Variants in EPN1 observed in about 807,000 individuals in gnomAD.
The protein encoded by EPN1 is epsin-1.
In EPN1, 25 loss-of-function variants were observed where a neutral mutation model predicts 56.9. That is an observed-to-expected ratio of 0.44 (90% CI 0.32 to 0.61). The LOEUF is 0.61. Among genes scored for constraint, EPN1 ranks in the 20% least tolerant of loss-of-function variants. EPN1 has a pLI of 0.05. For synonymous variants in EPN1, 411 were observed against 361.8 expected, an observed-to-expected ratio of 1.14 and a Z score of -1.54; for missense variants, 785 against 823.7, an observed-to-expected ratio of 0.95 and a Z score of 0.58.
intron 2 of EPN1, among the ~76,000 whole-genome samples, chr19:55,680,522 C>T (rs1985741073): frequency 6.6e-6 from 1 of 152,218 alleles, no homozygotes; most frequent in African/African-American, 2.4e-5. Context: ...GGTTCAGCCT[C>T]AGTTCCCCGG....
rs869309082 is a variant in EPN1 at position 55,706,576 on chromosome 19, CA to C, written c.*11221del. 4.0e-5 allele frequency: 6 copies of C among 151,764 alleles called. No individual in the cohort carries two copies. The East Asian group carries it at 1.2e-3, about 29-fold the overall frequency. 9.4% of individuals were successfully genotyped at this position (151,764 alleles called of 1,614,324 possible). The stretch of plus-strand genomic sequence containing the variant: ...CTAAGGCGGGAGAATCGCTTGAACC[CA>C]GAGGCAGAGGCTGCAGTGAGCCAAG... On this transcript the variant is annotated 3_prime_UTR_variant, in exon 11 of 11. Coordinates refer to ENST00000270460, the MANE Select transcript of EPN1 (RefSeq NM_001130072.2).
At chr19:55,690,106 C>G (rs747903554) in intron 6 of EPN1, among the ~76,000 whole-genome samples, 156 bp downstream of exon 6, 1 of 152,246 alleles carries the variant, frequency 6.6e-6, no homozygotes, top group Admixed American at 6.5e-5. Flanking sequence ...CTCTGTGCCT[C>G]TCCCTCCCTG....
chr19:55,686,825 G>A (rs78062835), intron 3 of EPN1, among the ~76,000 whole-genome samples: 2 of 151,928 alleles, frequency 1.3e-5, no homozygotes, highest in Non-Finnish European at 2.9e-5. Context: ...GCAGGTGGGT[G>A]GCGGGGTTGG....
At position 55,689,691 on chromosome 19, in the gene EPN1, C is replaced by A. The variant is rs1436692804; in HGVS notation, c.679-176C>A. On this transcript the variant is annotated intron_variant, in intron 5 of 10. Transcript: ENST00000270460. The surrounding 1 kb of genome is among the most constrained non-coding windows in gnomAD (Gnocchi z 5.7). ...CACCCCACTCCCCTTATCCCCTGTC[C>A]CGCCTGACCTTTGACCCAGGTGCCC... is the stretch of plus-strand genomic sequence containing the variant. Among the ~76,000 whole-genome samples the A allele has an allele frequency of 6.6e-6, 1 of 152,232 alleles. No individual in the cohort carries two copies. The highest frequency in any genetic ancestry group is 1.5e-5 in the Non-Finnish European group (1 of 68,030).
intron 1 of EPN1, among the ~76,000 whole-genome samples, chr19:55,676,055 G>T (rs534805880): frequency 6.6e-6 from 1 of 152,298 alleles, no homozygotes; most frequent in Admixed American, 6.5e-5. Context: ...TAATTGCCAG[G>T]TGATAGTCTC....
chr19:55,685,700 G>A (rs1986123811), intron 3 of EPN1, 55 bp downstream of exon 3: 13 of 1,538,494 alleles, frequency 8.4e-6, no homozygotes, highest in Admixed American at 1.9e-5. Context: ...CGCCTACTGC[G>A]GCTCCCGGCA....
In EPN1 at chr19:55,706,549, G is replaced by T. The variant is rs1002317892; in HGVS notation, c.*11193G>T. On this transcript the variant is annotated 3_prime_UTR_variant, in exon 11 of 11. Coordinates refer to ENST00000270460, the MANE Select transcript of EPN1 (RefSeq NM_001130072.2). ...TGCCTGTAATCTCAGCTCCTCAGTA[G>T]GCTAAGGCGGGAGAATCGCTTGAAC... The T allele has an allele frequency of 1.3e-5, 2 of 151,796 alleles. No homozygotes were observed. Among genetic ancestry groups the T allele is most frequent in the African/African-American group, 4.8e-5 (2 of 41,260 alleles). The allele number at this position is 151,796 out of a possible 1,614,324, so 9.4% of individuals were successfully genotyped here. A position where few individuals can be genotyped will look rare whatever the true frequency, so the allele number is the denominator to read the frequency against.
Position 55,706,277 on chromosome 19 carries a change from C to CTTTTTTTTTTTTTTTTTTTTTTTT in EPN1, c.*10923_*10924insTTTTTTTTTTTTTTTTTTTTTTTT, listed in dbSNP as rs1568587726. 8 of 98,524 alleles carry CTTTTTTTTTTTTTTTTTTTTTTTT rather than the reference C, an allele frequency of 8.1e-5. No homozygotes were observed. The highest frequency in any genetic ancestry group is 1.5e-4 in the Non-Finnish European group (8 of 53,406). The allele number at this position is 98,524 out of a possible 1,614,324, so 6.1% of individuals were successfully genotyped here. On this transcript the variant is annotated 3_prime_UTR_variant, in exon 11 of 11. Transcript: ENST00000270460. ...TCTTTTCTTCCTTTCTTCTCTTTTTCTTCTTCTTTTTTTTTTTTTTTTAAA... is the reference window on the plus strand; with the variant it reads ...TCTTTTCTTCCTTTCTTCTCTTTTTCTTTTTTTTTTTTTTTTTTTTTTTTTTCTTCTTTTTTTTTTTTTTTTAAA...
chr19:55,709,231 A>C lies in EPN1; in HGVS notation c.*13875A>C, dbSNP rs76136445. The C allele has an allele frequency of 0.021, 8,501 of 409,532 alleles. 110 individuals carry two copies. Among genetic ancestry groups the C allele is most frequent in the Non-Finnish European group, 0.028 (6,477 of 233,266 alleles). The allele number at this position is 409,532 out of a possible 1,614,324, so 25.4% of individuals were successfully genotyped here. On this transcript the variant is annotated 3_prime_UTR_variant, in exon 11 of 11. Transcript: ENST00000270460. ...GGATAGGAAGCCTCTGATTTATACC[A>C]TAAAGTGAAATTTCATATACAGGAT...
At chr19:55,676,079 C>T (rs1404958804) in intron 1 of EPN1, among the ~76,000 whole-genome samples, 1 of 152,206 alleles carries the variant, frequency 6.6e-6, no homozygotes, top group East Asian at 1.9e-4. Context: ...GTCAAAACCT[C>T]AGTTTCCTAG....
At chr19:55,683,269 C>T (rs1375178545) in intron 2 of EPN1, among the ~76,000 whole-genome samples, 4 of 152,066 alleles carry the variant, frequency 2.6e-5, no homozygotes, top group African/African-American at 9.7e-5. Flanking sequence ...GTTGGCCAGG[C>T]TGGTCTCAAA....
rs1986968918 is a variant in EPN1, at chr19:55,697,803, G to A, written c.*2447G>A. ...AGCTTAGTGACATACACGGTTGAAC[G>A]CTGGGAGAATGCTGGGAGCCTGCTG... On this transcript the variant is annotated 3_prime_UTR_variant, in exon 11 of 11. Transcript: ENST00000270460. The A allele has an allele frequency of 6.6e-6, 1 of 151,942 alleles. No individual in the cohort carries two copies. Among genetic ancestry groups the A allele is most frequent in the Non-Finnish European group, 1.5e-5 (1 of 67,950 alleles). 9.4% of individuals were successfully genotyped at this position (151,942 alleles called of 1,614,324 possible).
Position 55,700,417 on chromosome 19 carries a change from C to T in EPN1, c.*5061C>T, listed in dbSNP as rs960762676. 6.7e-6 allele frequency: 1 copy of T among 150,278 alleles called. No individual in the cohort carries two copies. Among genetic ancestry groups the T allele is most frequent in the African/African-American group, 2.5e-5 (1 of 39,632 alleles). 9.3% of individuals were successfully genotyped at this position (150,278 alleles called of 1,614,324 possible). A position where few individuals can be genotyped will look rare whatever the true frequency, so the allele number is the denominator to read the frequency against. On this transcript the variant is annotated 3_prime_UTR_variant, in exon 11 of 11. Coordinates refer to ENST00000270460, the MANE Select transcript of EPN1 (RefSeq NM_001130072.2). ...GACTTGGGACTACAGGTGCGTGCGA[C>T]CACAGCCAACTCATTTTTCTGTTTT... is the stretch of plus-strand genomic sequence containing the variant.
chr19:55,694,926 A>C lies in EPN1; in HGVS notation c.1465A>C (p.Ser489Arg). 6.4e-7 allele frequency: 1 copy of C among 1,568,864 alleles called. No homozygotes were observed. The highest frequency in any genetic ancestry group is 8.6e-7 in the Non-Finnish European group (1 of 1,157,578). ...AALVDLDSLV[S>R]RPGPTPPGAK... ...CCTCGTCGACCTGGACTCGCTGGTG[A>C]GCCGGCCGGGCCCCACGCCGCCTGG... is the stretch of plus-strand genomic sequence containing the variant. Residue 489 changes from serine to arginine, a missense_variant, in exon 10 of 11, where the codon AGC (serine) becomes CGC (arginine). Physicochemically the swap from Ser to Arg is moderately radical, Grantham distance 110. This residue lies in a region of EPN1 where 650 missense variants were observed against 605.0 expected (regional missense o/e 1.07). Transcript: ENST00000270460. This position sits in a 1 kb window ranked among gnomAD's most constrained non-coding sequence, Gnocchi z 4.2.
At position 55,678,552 on chromosome 19, in the gene EPN1, G is replaced by T. The variant is rs141127387; in HGVS notation, c.-76G>T. Reference sequence around the variant, plus strand: ...ATGCGGTGACCTGCCAGCACCTGCCGCAGCCTTCGTCCGGGAGTCGCCCCA... The same window carrying T: ...ATGCGGTGACCTGCCAGCACCTGCCTCAGCCTTCGTCCGGGAGTCGCCCCA... On this transcript the variant is annotated 5_prime_UTR_variant, in exon 2 of 11. Coordinates refer to ENST00000270460, the MANE Select transcript of EPN1 (RefSeq NM_001130072.2). 27 of 1,547,912 alleles carry T rather than the reference G, an allele frequency of 1.7e-5. No homozygotes were observed. The highest frequency in any genetic ancestry group is 2.3e-5 in the Non-Finnish European group (26 of 1,148,762).
intron 2 of EPN1, among the ~76,000 whole-genome samples, chr19:55,679,292 G>A (rs1049811347): frequency 1.3e-5 from 2 of 152,268 alleles, no homozygotes; most frequent in Non-Finnish European, 2.9e-5. Context: ...TGGGTTTTCA[G>A]TTTGCTGCTC....
Position 55,704,025 on chromosome 19 carries a change from A to C in EPN1, c.*8669A>C, listed in dbSNP as rs1201530691. 2 of 152,124 alleles carry C rather than the reference A, an allele frequency of 1.3e-5. No homozygotes were observed. Among genetic ancestry groups the C allele is most frequent in the Non-Finnish European group, 2.9e-5 (2 of 68,016 alleles). 9.4% of individuals were successfully genotyped at this position (152,124 alleles called of 1,614,324 possible). On this transcript the variant is annotated 3_prime_UTR_variant, in exon 11 of 11. Coordinates refer to ENST00000270460, the MANE Select transcript of EPN1 (RefSeq NM_001130072.2). ...AACCGAGGTATTCAGTCCCTCGGAA[A>C]CCCAGTTCCTCCGTTTCCAGGCTTC...
chr19:55,702,484 T>A lies in EPN1; in HGVS notation c.*7128T>A, dbSNP rs552099540. 16 of 152,342 alleles carry A rather than the reference T, an allele frequency of 1.1e-4. No individual in the cohort carries two copies. The South Asian group carries it at 3.3e-3, about 32-fold the overall frequency. 9.4% of individuals were successfully genotyped at this position (152,342 alleles called of 1,614,324 possible). A position where few individuals can be genotyped will look rare whatever the true frequency, so the allele number is the denominator to read the frequency against. On this transcript the variant is annotated 3_prime_UTR_variant, in exon 11 of 11. Coordinates refer to ENST00000270460, the MANE Select transcript of EPN1 (RefSeq NM_001130072.2). The stretch of plus-strand genomic sequence containing the variant: ...CCCACTGTTTTCACTGGGGCCCATC[T>A]ATGTATGTGGCTTGGTGATTACCCA...
In EPN1 at chr19:55,689,241, C is replaced by T. The variant is rs1393524426; in HGVS notation, c.604-56C>T. ...CGGCTCTATCTGACCCTGGCTCTGCCTCTGACTCTGCCTCTGGCCCCTCCC... is the reference window on the plus strand; with the variant it reads ...CGGCTCTATCTGACCCTGGCTCTGCTTCTGACTCTGCCTCTGGCCCCTCCC... On this transcript the variant is annotated intron_variant, in intron 4 of 10. Coordinates refer to ENST00000270460, the MANE Select transcript of EPN1 (RefSeq NM_001130072.2). This position sits in a 1 kb window ranked among gnomAD's most constrained non-coding sequence, Gnocchi z 5.7. 1.1e-5 allele frequency: 15 copies of T among 1,343,532 alleles called. No individual in the cohort carries two copies. Among genetic ancestry groups the T allele is most frequent in the Non-Finnish European group, 1.5e-5 (14 of 958,710 alleles). 83.2% of individuals were successfully genotyped at this position (1,343,532 alleles called of 1,614,324 possible).
Sources: allele counts gnomAD v4.1 joint callset (sites outside exome capture counted in the v4.1 genomes callset), GRCh38; gene constraint gnomAD v4.1.1; regional missense constraint gnomAD v4.1.1; non-coding constraint Gnocchi (gnomAD v3.1); transcripts MANE v1.5; gene names NCBI Gene and HGNC (gene_info 2026-07-23, HGNC 2026-07-21).